Variants in OSBPL3 observed in about 807,000 individuals in gnomAD.
OSBPL3 encodes the protein oxysterol binding protein like 3.
In OSBPL3, 65 loss-of-function variants were observed where a neutral mutation model predicts 120.1. The observed-to-expected ratio is 0.54, with a 90% CI of 0.44 to 0.67. OSBPL3 has a LOEUF of 0.67. OSBPL3 is among the 30% of genes least tolerant of loss of function. OSBPL3 has a pLI of 0.00. For missense variants in OSBPL3, 1,004 were observed against 1,082.1 expected (o/e 0.93, Z 1.01); for synonymous variants, 416 against 402.6 (o/e 1.03, Z -0.40).
In OSBPL3 at chr7:24,806,456, C is replaced by T. The variant is rs1403486346; in HGVS notation, c.2444+320G>A. ...CCAAAATCATTTAAATTTGAGGGCT[C>T]GGGGAGCTGGAGGTTTTAACTTACT... On this transcript the variant is annotated intron_variant, in intron 21 of 22. Coordinates refer to ENST00000313367, the MANE Select transcript of OSBPL3 (RefSeq NM_015550.4). The surrounding 1 kb of genome is among the most constrained non-coding windows in gnomAD (Gnocchi z 5.2). Among the ~76,000 whole-genome samples the T allele has an allele frequency of 6.6e-6, 1 of 152,114 alleles. No individual in the cohort carries two copies. Among genetic ancestry groups the T allele is most frequent in the Non-Finnish European group, 1.5e-5 (1 of 68,014 alleles).
At chr7:24,961,023 T>A (rs1563014019) in intron 1 of OSBPL3, among the ~76,000 whole-genome samples, 2 of 152,302 alleles carry the variant, frequency 1.3e-5, no homozygotes, top group East Asian at 3.9e-4. Context: ...CGAAATAATT[T>A]TTTTAAACCT....
chr7:24,829,346 T>C (rs1031372623), intron 16 of OSBPL3, among the ~76,000 whole-genome samples: 1 of 152,232 alleles, frequency 6.6e-6, no homozygotes, highest in Non-Finnish European at 1.5e-5. Flanking sequence ...TGTTAGTCCA[T>C]GTTTAATTTC....
chr7:24,931,762 A>G (rs1298985809), intron 1 of OSBPL3, among the ~76,000 whole-genome samples: 1 of 152,220 alleles, frequency 6.6e-6, no homozygotes, highest in Non-Finnish European at 1.5e-5. Context: ...AAAAGAAAAA[A>G]AAAAGGAAGG....
In OSBPL3 at chr7:24,912,176, C is replaced by T. The variant is rs967166262; in HGVS notation, c.-149-19555G>A. Among the ~76,000 whole-genome samples the T allele has an allele frequency of 3.3e-5, 5 of 152,182 alleles. No homozygotes were observed. Among genetic ancestry groups the T allele is most frequent in the Non-Finnish European group, 7.3e-5 (5 of 68,046 alleles). ...TATCTCCGAAGTAAGAAAATATTCT[C>T]AAGTATCCATTTATCAAACTTTAAA... On this transcript the variant is annotated intron_variant, in intron 1 of 22. Transcript: ENST00000313367. The surrounding 1 kb of genome is among the most constrained non-coding windows in gnomAD (Gnocchi z 4.5).
intron 1 of OSBPL3, among the ~76,000 whole-genome samples, chr7:24,927,444 T>G (rs1475671931): frequency 6.6e-6 from 1 of 152,208 alleles, no homozygotes; most frequent in Non-Finnish European, 1.5e-5. Flanking sequence ...AGAATAGCAC[T>G]TGGCATTTCT....
rs777240757 is a variant in OSBPL3, at chr7:24,834,720, A to G, written c.1512T>C (p.Ser504=). The G allele has an allele frequency of 5.0e-6, 8 of 1,610,292 alleles. No homozygotes were observed. In the South Asian group the frequency reaches 8.8e-5, roughly 18 times the overall value. ...ERQTLGPVLD[S]GREAKSRRRT... ...TTCTCCGGGACTTCGCTTCCCGACC[A>G]CTATCAAGGACAGGCCCTGAAAGGG... The change falls in exon 15 of 23, where the codon AGT becomes AGC. Residue 504 remains serine, a synonymous_variant. Transcript: ENST00000313367. The surrounding 1 kb of genome is among the most constrained non-coding windows in gnomAD (Gnocchi z 5.2).
In OSBPL3 at chr7:24,908,560, T is replaced by C. The variant is rs942928982; in HGVS notation, c.-149-15939A>G. Among the ~76,000 whole-genome samples the C allele has an allele frequency of 2.0e-5, 3 of 152,192 alleles. No homozygotes were observed. The East Asian group carries it at 5.8e-4, about 29-fold the overall frequency. On this transcript the variant is annotated intron_variant, in intron 1 of 22. Coordinates refer to ENST00000313367, the MANE Select transcript of OSBPL3 (RefSeq NM_015550.4). Reference sequence around the variant, plus strand: ...AAGACTGCTTCTTTACAGTAAAACATCCCCTTCTAAAATCATATTCTAGTC... The same window carrying C: ...AAGACTGCTTCTTTACAGTAAAACACCCCCTTCTAAAATCATATTCTAGTC...
Position 24,802,466 on chromosome 7 carries a change from G to A in OSBPL3, c.2567+1849C>T, listed in dbSNP as rs1030231064. On this transcript the variant is annotated intron_variant, in intron 22 of 22. Coordinates refer to ENST00000313367, the MANE Select transcript of OSBPL3 (RefSeq NM_015550.4). The surrounding 1 kb of genome is among the most constrained non-coding windows in gnomAD (Gnocchi z 4.1). ...GTCAAAAAGAAAAAGAGCAATGGCC[G>A]CCCCAGCTGAAGCAGCTTTCCGTCC... is the stretch of plus-strand genomic sequence containing the variant. Among the ~76,000 whole-genome samples the A allele has an allele frequency of 6.6e-6, 1 of 152,166 alleles. No individual in the cohort carries two copies. Among genetic ancestry groups the A allele is most frequent in the South Asian group, 2.1e-4 (1 of 4,836 alleles).
intron 1 of OSBPL3, among the ~76,000 whole-genome samples, chr7:24,928,238 C>T (rs1477626166): frequency 6.8e-6 from 1 of 146,712 alleles, no homozygotes; most frequent in Non-Finnish European, 1.5e-5. Flanking sequence ...GTCACCCAGG[C>T]TGGAGTGCAG....
rs980343107 is a variant in OSBPL3 at position 24,900,728 on chromosome 7, G to A, written c.-149-8107C>T. ...CATGCCTGTAATCCCAGCACTTTGG[G>A]AGGCCAAGGTAGGTGGATCGCTTGA... On this transcript the variant is annotated intron_variant, in intron 1 of 22. Coordinates refer to ENST00000313367, the MANE Select transcript of OSBPL3 (RefSeq NM_015550.4). The surrounding 1 kb of genome is among the most constrained non-coding windows in gnomAD (Gnocchi z 4.5). 2.0e-5 allele frequency among the ~76,000 whole-genome samples: 3 copies of A among 152,230 alleles called. No individual in the cohort carries two copies. The highest frequency in any genetic ancestry group is 2.9e-5 in the Non-Finnish European group (2 of 68,044).
rs748868383 is a variant in OSBPL3 at position 24,966,666 on chromosome 7, TAAA to T, written c.-150+13217_-150+13219del. ...TAATGACACACACACAAAACAAAAT[TAAA>T]GAAGACACTGGCCCAGAGAAAGACT... On this transcript the variant is annotated intron_variant, in intron 1 of 22. Transcript: ENST00000313367. This position sits in a 1 kb window ranked among gnomAD's most constrained non-coding sequence, Gnocchi z 4.8. Among the ~76,000 whole-genome samples the T allele has an allele frequency of 2.0e-5, 3 of 152,224 alleles. No individual in the cohort carries two copies. The highest frequency in any genetic ancestry group is 4.4e-5 in the Non-Finnish European group (3 of 68,004).
chr7:24,816,478 C>T, intron 18 of OSBPL3, 132 bp downstream of exon 18: 5 of 687,072 alleles, frequency 7.3e-6, no homozygotes, highest in Non-Finnish European at 1.3e-5. Flanking sequence ...TTTAAACCTA[C>T]TGTCAGACAG....
chr7:24,917,427 T>TATATATATATATATATATATATA (rs1562924912), intron 1 of OSBPL3, among the ~76,000 whole-genome samples: 1 of 131,150 alleles, frequency 7.6e-6, no homozygotes. Flanking sequence ...TATATATATA[T>TATATATATATATATATATATATA]TTGTAACATA....
intron 1 of OSBPL3, among the ~76,000 whole-genome samples, chr7:24,943,769 A>C (rs1261873999): frequency 1.3e-5 from 2 of 152,220 alleles, no homozygotes; most frequent in Non-Finnish European, 2.9e-5. Flanking sequence ...CTTCACTATG[A>C]CATGACTAAA....
chr7:24,922,356 T>C lies in OSBPL3; in HGVS notation c.-149-29735A>G, dbSNP rs974218770. Among the ~76,000 whole-genome samples, 1 of 152,112 alleles carries C rather than the reference T, an allele frequency of 6.6e-6. No individual in the cohort carries two copies. Among genetic ancestry groups the C allele is most frequent in the Non-Finnish European group, 1.5e-5 (1 of 68,006 alleles). On this transcript the variant is annotated intron_variant, in intron 1 of 22. Transcript: ENST00000313367. The surrounding 1 kb of genome is among the most constrained non-coding windows in gnomAD (Gnocchi z 4.3). Reference sequence around the variant, plus strand: ...TACCAGCAATGTGACCTTGAGCAAATCTGCTTCCTTGTGCCTTGATATTCT... The same window carrying C: ...TACCAGCAATGTGACCTTGAGCAAACCTGCTTCCTTGTGCCTTGATATTCT...
chr7:24,973,980 A>C (rs1173414004), intron 1 of OSBPL3, among the ~76,000 whole-genome samples: 4 of 152,364 alleles, frequency 2.6e-5, no homozygotes, highest in African/African-American at 9.6e-5. Flanking sequence ...AAAACAAGTT[A>C]GTTTTAATTA....
Position 24,961,145 on chromosome 7 carries a change from G to A in OSBPL3, c.-150+18741C>T, listed in dbSNP as rs80172420. 5.3e-5 allele frequency among the ~76,000 whole-genome samples: 8 copies of A among 152,122 alleles called. No individual in the cohort carries two copies. The East Asian group carries it at 5.8e-4, about 11-fold the overall frequency. ...AATGTAAGCTAAGAATGGCATGAAGGGAAAAAGGAAGATACCTTCTTTCCC... is the reference window on the plus strand; with the variant it reads ...AATGTAAGCTAAGAATGGCATGAAGAGAAAAAGGAAGATACCTTCTTTCCC... On this transcript the variant is annotated intron_variant, in intron 1 of 22. Coordinates refer to ENST00000313367, the MANE Select transcript of OSBPL3 (RefSeq NM_015550.4).
intron 1 of OSBPL3, among the ~76,000 whole-genome samples, chr7:24,895,739 A>T (rs531486988): frequency 6.6e-6 from 1 of 152,272 alleles, no homozygotes; most frequent in South Asian, 2.1e-4. Flanking sequence ...AGACCCTTCC[A>T]TGGAAAACCT....
chr7:24,940,405 T>C lies in OSBPL3; in HGVS notation c.-150+39481A>G, dbSNP rs34927175. ...GACAGATCATCAAAAGGGTTGACTA[T>C]ATAGCCCAGGTACACCAGGGGAGAA... On this transcript the variant is annotated intron_variant, in intron 1 of 22. Coordinates refer to ENST00000313367, the MANE Select transcript of OSBPL3 (RefSeq NM_015550.4). This position sits in a 1 kb window ranked among gnomAD's most constrained non-coding sequence, Gnocchi z 4.4. 2.4e-3 allele frequency among the ~76,000 whole-genome samples: 360 copies of C among 152,118 alleles called. No individual in the cohort carries two copies. Among genetic ancestry groups the C allele is most frequent in the Non-Finnish European group, 3.7e-3 (252 of 67,996 alleles).
Sources: gnomAD v4.1 joint callset for allele counts (sites outside exome capture counted in the v4.1 genomes callset) on GRCh38, gnomAD v4.1.1 for gene constraint, Gnocchi (gnomAD v3.1) non-coding constraint, MANE v1.5 for transcripts, NCBI Gene and HGNC (gene_info 2026-07-23, HGNC 2026-07-21) for gene names.